Variants in EPAS1 observed in about 807,000 individuals in gnomAD.
The protein encoded by EPAS1 is endothelial PAS domain-containing protein 1.
EPAS1 carries 23 observed loss-of-function variants against 87.9 expected under a neutral mutation model. The ratio of observed to expected loss-of-function variants is 0.26; its 90% CI spans 0.19 to 0.37. The LOEUF is 0.37. Among genes scored for constraint, EPAS1 ranks in the 10% least tolerant of loss-of-function variants. The probability of loss-of-function intolerance (pLI) is 1.00; values close to 1 mark genes in which losing one functional copy is unlikely to be tolerated. For missense variants in EPAS1, 1,138 were observed against 1,120.7 expected (o/e 1.02, Z -0.22); for synonymous variants, 508 against 444.3 (o/e 1.14, Z -1.80).
chr2:46,317,504 G>C (rs1228455021), intron 1 of EPAS1, among the ~76,000 whole-genome samples: 2 of 152,172 alleles, frequency 1.3e-5, no homozygotes, highest in Non-Finnish European at 2.9e-5. Context: ...TGTCATCCAG[G>C]TTTTGTTGTT....
intron 1 of EPAS1, among the ~76,000 whole-genome samples, chr2:46,301,231 G>A (rs547120632): frequency 6.6e-6 from 1 of 152,152 alleles, no homozygotes; most frequent in East Asian, 1.9e-4. Flanking sequence ...TAAGGAAACT[G>A]ATGCCGAGAG....
Position 46,347,195 on chromosome 2 carries a change from T to A in EPAS1, c.217+132T>A, listed in dbSNP as rs907735218. Reference sequence around the variant, plus strand: ...AGAACTTTCACCCACAGAAACACCATCATGAGTGATTTATTCCTTCATGTT... The same window carrying A: ...AGAACTTTCACCCACAGAAACACCAACATGAGTGATTTATTCCTTCATGTT... On this transcript the variant is annotated intron_variant, in intron 2 of 15. Coordinates refer to ENST00000263734, the MANE Select transcript of EPAS1 (RefSeq NM_001430.5). The surrounding 1 kb of genome is among the most constrained non-coding windows in gnomAD (Gnocchi z 4.2). 1.8e-5 allele frequency: 17 copies of A among 934,242 alleles called. No homozygotes were observed. The Admixed American group carries it at 2.6e-4, about 14-fold the overall frequency. 57.9% of individuals were successfully genotyped at this position (934,242 alleles called of 1,614,324 possible). A position where few individuals can be genotyped will look rare whatever the true frequency, so the allele number is the denominator to read the frequency against.
intron 15 of EPAS1, 114 bp from the exon 16 acceptor site, chr2:46,384,394 AG>A: frequency 2.8e-6 from 4 of 1,429,344 alleles, no homozygotes; most frequent in Non-Finnish European, 3.9e-6. Context: ...ACACCACTGA[AG>A]GAGCAGAGTG....
intron 1 of EPAS1, chr2:46,335,966 C>G (rs1016685148): frequency 1.3e-5 from 2 of 152,208 alleles, no homozygotes; most frequent in Non-Finnish European, 2.9e-5. Context: ...TTCTCTTGTT[C>G]ACGCTGCAGG....
intron 1 of EPAS1, among the ~76,000 whole-genome samples, chr2:46,315,339 C>A (rs1017576143): frequency 6.6e-6 from 1 of 151,944 alleles, no homozygotes; most frequent in Non-Finnish European, 1.5e-5. Flanking sequence ...ACAGAGGGGG[C>A]GGGGGTGCAT....
rs1684048771 is a variant in EPAS1, at chr2:46,347,178, C to G, written c.217+115C>G. ...GAAAGTCACCCCACTACAGAACTTTCACCCACAGAAACACCATCATGAGTG... is the reference window on the plus strand; with the variant it reads ...GAAAGTCACCCCACTACAGAACTTTGACCCACAGAAACACCATCATGAGTG... On this transcript the variant is annotated intron_variant, in intron 2 of 15. Transcript: ENST00000263734. This position sits in a 1 kb window ranked among gnomAD's most constrained non-coding sequence, Gnocchi z 4.2. 3 of 1,141,918 alleles carry G rather than the reference C, an allele frequency of 2.6e-6. No individual in the cohort carries two copies. In the Admixed American group the frequency reaches 5.3e-5, roughly 20 times the overall value. 70.7% of individuals were successfully genotyped at this position (1,141,918 alleles called of 1,614,324 possible). A position where few individuals can be genotyped will look rare whatever the true frequency, so the allele number is the denominator to read the frequency against.
At chr2:46,359,066 C>G (rs1418993359) in intron 4 of EPAS1, among the ~76,000 whole-genome samples, 1 of 151,876 alleles carries the variant, frequency 6.6e-6, no homozygotes, top group Non-Finnish European at 1.5e-5. Context: ...CGAGACCATC[C>G]TGGCCAACAT....
At chr2:46,332,290 A>ACGTGTG (rs1683696748) in intron 1 of EPAS1, among the ~76,000 whole-genome samples, 1 of 100,342 alleles carries the variant, frequency 1.0e-5, no homozygotes, top group Non-Finnish European at 2.1e-5. Flanking sequence ...AAAAAAAAAT[A>ACGTGTG]CGTGTGTGTG....
chr2:46,347,244 C>T lies in EPAS1; in HGVS notation c.217+181C>T, dbSNP rs1684049902. 2 of 712,936 alleles carry T rather than the reference C, an allele frequency of 2.8e-6. No individual in the cohort carries two copies. The highest frequency in any genetic ancestry group is 4.3e-5 in the Admixed American group (2 of 46,364). 44.2% of individuals were successfully genotyped at this position (712,936 alleles called of 1,614,324 possible). ...TTAAACATCTCTCTTCCAGCAGTGACCTTTACCGTGAATCCAGCTGTGAGA... is the reference window on the plus strand; with the variant it reads ...TTAAACATCTCTCTTCCAGCAGTGATCTTTACCGTGAATCCAGCTGTGAGA... On this transcript the variant is annotated intron_variant, in intron 2 of 15. Coordinates refer to ENST00000263734, the MANE Select transcript of EPAS1 (RefSeq NM_001430.5). This position sits in a 1 kb window ranked among gnomAD's most constrained non-coding sequence, Gnocchi z 4.2.
intron 7 of EPAS1, among the ~76,000 whole-genome samples, chr2:46,373,114 A>T (rs1684662402): frequency 6.6e-6 from 1 of 152,230 alleles, no homozygotes; most frequent in Non-Finnish European, 1.5e-5. Context: ...AGCAAATCAT[A>T]ACCCTCTGGC....
chr2:46,378,062 C>A lies in EPAS1; in HGVS notation c.1418C>A (p.Thr473Asn). 6.2e-7 allele frequency: 1 copy of A among 1,606,050 alleles called. No homozygotes were observed. The highest frequency in any genetic ancestry group is 8.5e-7 in the Non-Finnish European group (1 of 1,177,376). Residue 473 changes from threonine (T) to asparagine (N), a missense_variant, in exon 10 of 16, where the codon ACC becomes AAC. Transcript: ENST00000263734. ...AAPGSTTPSA[T>N]SSSSSCSTPN... is the part of the protein sequence containing the mutation. ...CCGGGCAGCACCACCCCCAGTGCCA[C>A]CAGCAGCAGCAGCAGCTGCTCCACG...
intron 6 of EPAS1, among the ~76,000 whole-genome samples, chr2:46,365,395 G>A (rs867090010): frequency 2.8e-4 from 42 of 152,222 alleles, no homozygotes; most frequent in African/African-American, 1.0e-3. Context: ...GAATAAAGAT[G>A]CCTACATTCC....
chr2:46,366,766 A>T (rs1264592880), intron 6 of EPAS1, among the ~76,000 whole-genome samples: 5 of 152,240 alleles, frequency 3.3e-5, no homozygotes, highest in Non-Finnish European at 7.3e-5. Flanking sequence ...GAGCAGATGA[A>T]CTTGTGTTAT....
In EPAS1 at chr2:46,347,095, G is replaced by T. The variant is rs1293007303; in HGVS notation, c.217+32G>T. The T allele has an allele frequency of 1.2e-6, 2 of 1,611,904 alleles. No individual in the cohort carries two copies. The highest frequency in any genetic ancestry group is 2.7e-5 in the African/African-American group (2 of 74,894). On this transcript the variant is annotated intron_variant, in intron 2 of 15. Transcript: ENST00000263734. The surrounding 1 kb of genome is among the most constrained non-coding windows in gnomAD (Gnocchi z 4.2). ...CCAGCAGGCTCCCCTAGGCTGGGCA[G>T]ATGCCAGCCTTACCAGCATGTTCCT...
chr2:46,356,127 T>TGGGGGGGGGGGGGGGG, intron 2 of EPAS1, 24 bp from the exon 3 acceptor site: 205 of 1,395,022 alleles, frequency 1.5e-4, no homozygotes, highest in Non-Finnish European at 1.9e-4. Flanking sequence ...TCATGCAAGC[T>TGGGGGGGGGGGGGGGG]GTCCCACCCC....
rs769514513 is a variant in EPAS1, at chr2:46,384,652, G to A, written c.2605G>A (p.Ala869Thr). ...GGDLLRALDQ[A>T]T ...GGACCTCCTCAGAGCCCTGGACCAG[G>A]CCACCTGAGCCAGGCCTTCTACCTG... Residue 869 changes from alanine to threonine, a missense_variant, in exon 16 of 16, where the codon GCC becomes ACC. Transcript: ENST00000263734. 1.3e-5 allele frequency: 21 copies of A among 1,613,370 alleles called. 1 individual carries two copies. The African/African-American group carries it at 2.5e-4, about 19-fold the overall frequency.
intron 1 of EPAS1, among the ~76,000 whole-genome samples, chr2:46,330,846 T>A (rs1387500590): frequency 6.6e-6 from 1 of 152,130 alleles, no homozygotes; most frequent in African/African-American, 2.4e-5. Context: ...GCCCCATCTT[T>A]TTGGGACTCC....
At chr2:46,349,300 C>G (rs952157375) in intron 2 of EPAS1, among the ~76,000 whole-genome samples, 11 of 152,180 alleles carry the variant, frequency 7.2e-5, no homozygotes, top group African/African-American at 2.7e-4. Flanking sequence ...CTGTCCATCT[C>G]AGTGGTTCAA....
chr2:46,371,931 G>A lies in EPAS1; in HGVS notation c.886+1998G>A, dbSNP rs1684634594. On this transcript the variant is annotated intron_variant, in intron 7 of 15. Coordinates refer to ENST00000263734, the MANE Select transcript of EPAS1 (RefSeq NM_001430.5). The surrounding 1 kb of genome is among the most constrained non-coding windows in gnomAD (Gnocchi z 4.3). ...GGATGGGAAAGCAGAAGAAGCTACT[G>A]TCAAAGGAAAAAAAAATTGTGACTT... 6.6e-6 allele frequency among the ~76,000 whole-genome samples: 1 copy of A among 152,060 alleles called. No individual in the cohort carries two copies. Among genetic ancestry groups the A allele is most frequent in the Admixed American group, 6.5e-5 (1 of 15,278 alleles).
Sources: allele counts gnomAD v4.1 joint callset (sites outside exome capture counted in the v4.1 genomes callset), GRCh38; gene constraint gnomAD v4.1.1; non-coding constraint Gnocchi (gnomAD v3.1); transcripts MANE v1.5; gene names NCBI Gene and HGNC (gene_info 2026-07-23, HGNC 2026-07-21).